ARFGEF3: variants seen among roughly 807,000 people sequenced by gnomAD.
ARFGEF3 encodes the protein brefeldin A-inhibited guanine nucleotide-exchange protein 3.
In ARFGEF3, 96 loss-of-function variants were observed where a neutral mutation model predicts 221.7. That is an observed-to-expected ratio of 0.43 (90% CI 0.37 to 0.51). The LOEUF is 0.51. ARFGEF3 is among the 20% of genes least tolerant of loss of function. The pLI, the probability that ARFGEF3 is intolerant of heterozygous loss-of-function variation, is 0.00. For missense variants in ARFGEF3, 2,410 were observed against 2,789.9 expected (o/e 0.86, Z 3.07); for synonymous variants, 1,145 against 1,126.8 (o/e 1.02, Z -0.32).
At chr6:138,306,695 G>A (rs1444463622) in intron 22 of ARFGEF3, among the ~76,000 whole-genome samples, 7 of 152,000 alleles carry the variant, frequency 4.6e-5, no homozygotes, top group African/African-American at 1.4e-4. Flanking sequence ...TCAATCATGG[G>A]AGGGGATATT....
intron 2 of ARFGEF3, among the ~76,000 whole-genome samples, chr6:138,202,386 G>GT (rs1443432288): frequency 1.3e-5 from 2 of 152,146 alleles, no homozygotes; most frequent in African/African-American, 4.8e-5. Context: ...AAAAATGAAG[G>GT]TAGGAGGGTT....
intron 24 of ARFGEF3, among the ~76,000 whole-genome samples, chr6:138,309,977 T>A (rs1373521452): frequency 2.6e-5 from 4 of 152,210 alleles, no homozygotes; most frequent in African/African-American, 7.2e-5. Context: ...CTATCAGTGA[T>A]CTGGGTCTCC....
chr6:138,293,857 A>C, intron 19 of ARFGEF3, 136 bp from the exon 20 acceptor site: 1 of 611,544 alleles, frequency 1.6e-6, no homozygotes, highest in Non-Finnish European at 2.5e-6. Flanking sequence ...AATAGATAGA[A>C]TAATACCATA....
At chr6:138,225,063 C>T (rs1483506631) in intron 4 of ARFGEF3, among the ~76,000 whole-genome samples, 4 of 152,116 alleles carry the variant, frequency 2.6e-5, no homozygotes, top group Admixed American at 6.6e-5. Context: ...CCATTGCCTT[C>T]CACTCTCCCT....
At chr6:138,264,368 G>T (rs937388154) in intron 12 of ARFGEF3, among the ~76,000 whole-genome samples, 2 of 152,078 alleles carry the variant, frequency 1.3e-5, no homozygotes, top group Non-Finnish European at 2.9e-5. Flanking sequence ...ATAAATTAAT[G>T]GGTACATAAA....
chr6:138,182,507 G>C (rs189183462), intron 2 of ARFGEF3, among the ~76,000 whole-genome samples: 78 of 152,282 alleles, frequency 5.1e-4, no homozygotes, highest in African/African-American at 1.8e-3. Flanking sequence ...AAAGACAGTT[G>C]TCCTATATTC....
At chr6:138,315,722 G>T (rs1779912593) in intron 26 of ARFGEF3, among the ~76,000 whole-genome samples, 1 of 152,024 alleles carries the variant, frequency 6.6e-6, no homozygotes, top group African/African-American at 2.4e-5. Context: ...TGGTGGGGGG[G>T]CGCCTGTAAT....
At chr6:138,194,306 C>T (rs1197918422) in intron 2 of ARFGEF3, among the ~76,000 whole-genome samples, 1 of 151,936 alleles carries the variant, frequency 6.6e-6, no homozygotes, top group Non-Finnish European at 1.5e-5. Context: ...GGTATTTTCC[C>T]ACTACTTTTC....
intron 4 of ARFGEF3, among the ~76,000 whole-genome samples, chr6:138,226,028 C>A (rs142623161): frequency 6.6e-6 from 1 of 152,196 alleles, no homozygotes; most frequent in African/African-American, 2.4e-5. Context: ...CAATTAAACA[C>A]CAAATCACAT....
chr6:138,261,670 G>A, intron 11 of ARFGEF3, 31 bp downstream of exon 11: 6 of 1,333,476 alleles, frequency 4.5e-6, no homozygotes, highest in Non-Finnish European at 6.1e-6. Flanking sequence ...AGTCTTTATT[G>A]AGGCTGCTTT....
chr6:138,271,076 GT>G (rs1778996180), intron 12 of ARFGEF3, among the ~76,000 whole-genome samples: 2 of 152,290 alleles, frequency 1.3e-5, no homozygotes, highest in South Asian at 4.2e-4. Flanking sequence ...AAGGCTGAGA[GT>G]TTGCTTGCTT....
intron 12 of ARFGEF3, among the ~76,000 whole-genome samples, chr6:138,269,539 G>C (rs1309232785): frequency 6.6e-6 from 1 of 152,326 alleles, no homozygotes; most frequent in African/African-American, 2.4e-5. Context: ...GCCTGGCGCT[G>C]TGGCTCATGC....
rs949486557 is a variant in ARFGEF3, at chr6:138,195,468, G to A, written c.138-11574G>A. On this transcript the variant is annotated intron_variant, in intron 2 of 33. Coordinates refer to ENST00000251691, the MANE Select transcript of ARFGEF3 (RefSeq NM_020340.5). ...CCTCTCCTCTGCCTATGCTGTATGTGTGTGCAAGGTTTTATTCAAGAGGAC... is the reference window on the plus strand; with the variant it reads ...CCTCTCCTCTGCCTATGCTGTATGTATGTGCAAGGTTTTATTCAAGAGGAC... 4.6e-5 allele frequency among the ~76,000 whole-genome samples: 7 copies of A among 152,138 alleles called. No homozygotes were observed. The South Asian group carries it at 1.5e-3, about 32-fold the overall frequency.
At chr6:138,239,557 G>T (rs1217198109) in intron 6 of ARFGEF3, among the ~76,000 whole-genome samples, 1 of 151,468 alleles carries the variant, frequency 6.6e-6, no homozygotes, top group Non-Finnish European at 1.5e-5. Context: ...GCTGAGGCAG[G>T]AGAATCGCTT....
intron 4 of ARFGEF3, chr6:138,215,841 G>GGTGTGTGT (rs61141343): frequency 4.2e-4 from 51 of 121,202 alleles, no homozygotes; most frequent in South Asian, 9.5e-4. Context: ...TAATCGGTCT[G>GGTGTGTGT]GTGTGTGTGT....
chr6:138,242,054 A>G (rs900513348), intron 6 of ARFGEF3, among the ~76,000 whole-genome samples: 3 of 152,236 alleles, frequency 2.0e-5, no homozygotes, highest in Non-Finnish European at 2.9e-5. Context: ...AGATACTGAC[A>G]TAACATTTCG....
intron 17 of ARFGEF3, among the ~76,000 whole-genome samples, chr6:138,287,936 C>T (rs1470612392): frequency 6.6e-6 from 1 of 152,122 alleles, no homozygotes; most frequent in Non-Finnish European, 1.5e-5. Context: ...CAAAATCGCT[C>T]TCACAGATCC....
intron 2 of ARFGEF3, among the ~76,000 whole-genome samples, chr6:138,181,360 C>T (rs1444423355): frequency 6.6e-6 from 1 of 152,188 alleles, no homozygotes; most frequent in African/African-American, 2.4e-5. Flanking sequence ...CTTTATAACT[C>T]TGGGCTTTAA....
chr6:138,278,330 T>A, intron 12 of ARFGEF3, 121 bp from the exon 13 acceptor site: 4 of 901,354 alleles, frequency 4.4e-6, no homozygotes, highest in Non-Finnish European at 5.2e-6. Context: ...TAGCTGTCAG[T>A]GCTATACAGA....
Sources: allele counts gnomAD v4.1 joint callset (sites outside exome capture counted in the v4.1 genomes callset), GRCh38; gene constraint gnomAD v4.1.1; transcripts MANE v1.5; gene names NCBI Gene and HGNC (gene_info 2026-07-23, HGNC 2026-07-21).